The following CORO7 variants were observed in gnomAD, a reference collection of about 807,000 sequenced individuals.
The protein encoded by CORO7 is coronin-7.
CORO7 carries 107 observed loss-of-function variants against 126.6 expected under a neutral mutation model. The observed-to-expected ratio is 0.85, with a 90% CI of 0.72 to 0.99. The LOEUF (loss-of-function observed/expected upper bound fraction) is 0.99. Among genes scored for constraint, CORO7 ranks in the 50% least tolerant of loss-of-function variants. The pLI is 0.00. For missense variants in CORO7, 1,314 were observed against 1,255.8 expected, an observed-to-expected ratio of 1.05 and a Z score of -0.70; for synonymous variants, 603 against 536.8, an observed-to-expected ratio of 1.12 and a Z score of -1.70.
Position 4,362,028 on chromosome 16 carries a change from G to A in CORO7, c.1535C>T (p.Ala512Val), listed in dbSNP as rs758800794. 2 of 1,612,624 alleles carry A rather than the reference G, an allele frequency of 1.2e-6. No individual in the cohort carries two copies. Among genetic ancestry groups the A allele is most frequent in the East Asian group, 2.2e-5 (1 of 44,860 alleles). The change falls in exon 16 of 28, where the codon GCC (alanine) becomes GTC (valine). Residue 512 changes from alanine (A) to valine (V), a missense_variant. By Grantham distance (64) the Ala-to-Val change is moderately conservative (BLOSUM62 0). Transcript: ENST00000251166. This position sits in a 1 kb window ranked among gnomAD's most constrained non-coding sequence, Gnocchi z 5.3. ...DGFCANKLRV[A>V]VPLLSSGGQV... ...TCCCCCGCTGCTGAGCAGCGGCACG[G>A]CCACACGCAGCTTGTTGGCACAGAA...
At chr16:4,382,733 C>T (rs1200155670) in intron 9 of CORO7, 2 of 1,553,838 alleles carry the variant, frequency 1.3e-6, no homozygotes, top group East Asian at 2.4e-5. Flanking sequence ...GGGCCAGGGG[C>T]TGGGCCCCTG....
rs1387412827 is a variant in CORO7, at chr16:4,361,070, ATCT to A, written c.1787_1789del (p.Lys596del). 1.9e-6 allele frequency: 3 copies of A among 1,613,308 alleles called. No homozygotes were observed. In the Admixed American group the frequency reaches 5.0e-5, roughly 27 times the overall value. On this transcript the variant is annotated inframe_deletion, in exon 19 of 28. Coordinates refer to ENST00000251166, the MANE Select transcript of CORO7 (RefSeq NM_024535.5). ...CAGTGGGTGGAAGCGCAGGGAGCAG[ATCT>A]TCTCCGTGTGGCCTGGAGGAAGGCA...
intron 23 of CORO7, chr16:4,358,977 A>G (rs1031628244): frequency 1.7e-5 from 7 of 420,264 alleles, no homozygotes; most frequent in Admixed American, 8.3e-5. Flanking sequence ...GGGTCTTGCT[A>G]TGTTGCCCAG....
intron 9 of CORO7, among the ~76,000 whole-genome samples, chr16:4,378,231 T>C (rs1015560242): frequency 6.6e-6 from 1 of 152,176 alleles, no homozygotes; most frequent in South Asian, 2.1e-4. Flanking sequence ...AAAGTCACTG[T>C]CTGCGGCCTC....
chr16:4,395,902 C>G (rs1004454515), intron 6 of CORO7, among the ~76,000 whole-genome samples: 1 of 152,056 alleles, frequency 6.6e-6, no homozygotes, highest in African/African-American at 2.4e-5. Flanking sequence ...AGGATGGAAA[C>G]AGACAAAAAG....
intron 6 of CORO7, among the ~76,000 whole-genome samples, chr16:4,398,472 C>G (rs966644916): frequency 3.3e-5 from 5 of 151,776 alleles, no homozygotes; most frequent in African/African-American, 1.2e-4. Flanking sequence ...TCGAGACGAG[C>G]CTGGCCAACA....
intron 1 of CORO7, chr16:4,415,657 G>C: frequency 1.0e-6 from 1 of 953,314 alleles, no homozygotes; most frequent in Non-Finnish European, 1.2e-6. Flanking sequence ...GGACCCTGAT[G>C]GGGTCACTTG....
intron 2 of CORO7, 57 bp downstream of exon 2, chr16:4,413,251 T>G (rs982949656): frequency 4.0e-6 from 6 of 1,511,694 alleles, no homozygotes. Flanking sequence ...CCACCCCATC[T>G]ATGGTGACGA....
At chr16:4,392,818 G>A (rs1042207408) in intron 7 of CORO7, among the ~76,000 whole-genome samples, 3 of 152,210 alleles carry the variant, frequency 2.0e-5, no homozygotes, top group East Asian at 3.8e-4. Flanking sequence ...CACGGAGAGC[G>A]GCATTCCAGG....
rs777871012 is a variant in CORO7, at chr16:4,416,459, C to T, written c.60G>A (p.Glu20=). The change falls in exon 1 of 28, where the codon GAG becomes GAA. Residue 20 remains glutamate, a splice_region_variant and synonymous_variant. Coordinates refer to ENST00000251166, the MANE Select transcript of CORO7 (RefSeq NM_024535.5). ...CGCCCGGTCCTCGGGCCGGACTCAC[C>T]TCGCGGCGGGGCGGCCGAGCCTCGG... ...RHTEARPPRR[E]SWISDIRAGT... 1.9e-6 allele frequency: 3 copies of T among 1,573,520 alleles called. No individual in the cohort carries two copies. The highest frequency in any genetic ancestry group is 1.4e-5 in the African/African-American group (1 of 70,806).
intron 3 of CORO7, 89 bp from the exon 4 acceptor site, chr16:4,408,340 T>G: frequency 6.4e-7 from 1 of 1,571,192 alleles, no homozygotes; most frequent in Non-Finnish European, 8.7e-7. Context: ...GTGACACTTT[T>G]GTGTGCACAC....
Position 4,357,220 on chromosome 16 carries a change from G to T in CORO7, c.2633C>A (p.Pro878Gln). The change falls in exon 26 of 28, where the codon CCA (proline) becomes CAA (glutamine). Residue 878 changes from proline (P) to glutamine (Q), a missense_variant. Transcript: ENST00000251166. Reference protein sequence around the residue: ...APREAPARRAPSSAQYLEEKS... With the variant: ...APREAPARRAQSSAQYLEEKS... ...TTCTTCCAGGTACTGCGCTGAGGAT[G>T]GGGCCCGACGAGCAGGGGCCTCTCG... 1.9e-6 allele frequency: 3 copies of T among 1,613,902 alleles called. No homozygotes were observed. The highest frequency in any genetic ancestry group is 2.2e-5 in the South Asian group (2 of 91,062).
At chr16:4,398,526 C>A (rs113854635) in intron 6 of CORO7, among the ~76,000 whole-genome samples, 3 of 151,942 alleles carry the variant, frequency 2.0e-5, no homozygotes, top group African/African-American at 7.3e-5. Context: ...ATTAGCCGGG[C>A]GTGGTGGCGT....
At position 4,360,336 on chromosome 16, in the gene CORO7, C is replaced by T. The variant is rs200575254; in HGVS notation, c.2050G>A (p.Gly684Arg). ...TCACATACCCAGACAATGCGAGCTC[C>T]GCGTCCTCCCTTGGGCCCTGGGCCT... is the stretch of plus-strand genomic sequence containing the variant. ...QEGPGPKGGR[G>R]ARIVWVCDGR... Residue 684 changes from glycine (G) to arginine (R), a missense_variant, in exon 21 of 28, where the codon GGA becomes AGA. Gly to Arg is a moderately radical substitution (Grantham distance 125). Coordinates refer to ENST00000251166, the MANE Select transcript of CORO7 (RefSeq NM_024535.5). 9.3e-6 allele frequency: 15 copies of T among 1,613,708 alleles called. No individual in the cohort carries two copies. The highest frequency in any genetic ancestry group is 4.5e-5 in the East Asian group (2 of 44,854).
intron 6 of CORO7, among the ~76,000 whole-genome samples, chr16:4,396,371 G>A (rs914464902): frequency 2.0e-5 from 3 of 152,192 alleles, no homozygotes; most frequent in African/African-American, 7.2e-5. Context: ...AAGCCACCAT[G>A]TTTGGCCATA....
chr16:4,365,667 G>A (rs978384704), intron 9 of CORO7, 122 bp from the exon 10 acceptor site: 126 of 1,310,836 alleles, frequency 9.6e-5, no homozygotes, highest in Middle Eastern at 2.5e-4. Context: ...ATCCAGCCAT[G>A]TTCAGCCTGG....
Position 4,368,747 on chromosome 16 carries a change from CA to C in CORO7, c.786-3203del, listed in dbSNP as rs1283259505. Among the ~76,000 whole-genome samples the C allele has an allele frequency of 8.2e-3, 465 of 56,678 alleles. 3 individuals carry two copies. The highest frequency in any genetic ancestry group is 0.049 in the East Asian group (88 of 1,792). 37.2% of individuals were successfully genotyped at this position (56,678 alleles called of 152,430 possible). A position where few individuals can be genotyped will look rare whatever the true frequency, so the allele number is the denominator to read the frequency against. On this transcript the variant is annotated intron_variant, in intron 9 of 27. Coordinates refer to ENST00000251166, the MANE Select transcript of CORO7 (RefSeq NM_024535.5). ...TTGGCAACAGAGTGAGACTCCATCT[CA>C]AAAAAAAAAAAAAAAAAAATCACAT...
chr16:4,357,744 A>C, intron 25 of CORO7: 1 of 694,960 alleles, frequency 1.4e-6, no homozygotes, highest in Non-Finnish European at 2.3e-6. Context: ...TAGACACCAC[A>C]GTGTGTGCGT....
chr16:4,400,665 C>CA (rs57370351), intron 6 of CORO7, among the ~76,000 whole-genome samples: 14,874 of 149,664 alleles, frequency 0.099, 1,216 homozygotes, highest in African/African-American at 0.23. Context: ...AACAAAAAAA[C>CA]AAAAAGTAGC....
Sources: gnomAD v4.1 joint callset for allele counts (sites outside exome capture counted in the v4.1 genomes callset) on GRCh38, gnomAD v4.1.1 for gene constraint, Gnocchi (gnomAD v3.1) non-coding constraint, MANE v1.5 for transcripts, NCBI Gene and HGNC (gene_info 2026-07-23, HGNC 2026-07-21) for gene names.